Variants in EHMT1 observed in about 807,000 individuals in gnomAD.
EHMT1 encodes histone-lysine N-methyltransferase EHMT1.
A neutral mutation model predicts 147.2 loss-of-function variants in EHMT1; 15 were observed. That is an observed-to-expected ratio of 0.10 (90% CI 0.07 to 0.16). The LOEUF (loss-of-function observed/expected upper bound fraction) is 0.16, where lower values mean the gene tolerates loss of function less well. Among genes scored for constraint, EHMT1 ranks in the 10% least tolerant of loss-of-function variants. The probability of loss-of-function intolerance (pLI) is 1.00; values close to 1 mark genes in which losing one functional copy is unlikely to be tolerated. For synonymous variants in EHMT1, 795 were observed against 709.6 expected (o/e 1.12, Z -1.91); for missense variants, 1,587 against 1,772.4 (o/e 0.90, Z 1.88).
Position 137,787,842 on chromosome 9 carries a change from G to C in EHMT1, c.2383-3006G>C. 9.7e-7 allele frequency: 1 copy of C among 1,035,570 alleles called. No individual in the cohort carries two copies. Among genetic ancestry groups the C allele is most frequent in the Non-Finnish European group, 1.5e-6 (1 of 655,830 alleles). 64.1% of individuals were successfully genotyped at this position (1,035,570 alleles called of 1,614,324 possible). On this transcript the variant is annotated intron_variant, in intron 15 of 26. Coordinates refer to ENST00000460843, the MANE Select transcript of EHMT1 (RefSeq NM_024757.5). This position sits in a 1 kb window ranked among gnomAD's most constrained non-coding sequence, Gnocchi z 4.2. ...CACCCCCCAGTAGGCAGAGCTGGTT[G>C]ACGGTGGACATTGGGGATAGGAGGT...
rs554790953 is a variant in EHMT1, at chr9:137,684,701, C to T, written c.22-26266C>T. ...AGAAACAGGGTTTTACCACTTTGCC[C>T]AGGCTGCTCTCGAACTCCTGAGCTC... On this transcript the variant is annotated intron_variant, in intron 1 of 26. Transcript: ENST00000460843. Among the ~76,000 whole-genome samples, 4 of 152,182 alleles carry T rather than the reference C, an allele frequency of 2.6e-5. No individual in the cohort carries two copies. The East Asian group carries it at 7.7e-4, about 29-fold the overall frequency.
At chr9:137,623,146 G>C (rs932371500) in intron 1 of EHMT1, among the ~76,000 whole-genome samples, 3 of 150,458 alleles carry the variant, frequency 2.0e-5, no homozygotes, top group African/African-American at 7.3e-5. Flanking sequence ...CCGGGAGGTG[G>C]AGCTTGTAGT....
At chr9:137,824,409 A>G (rs1370008949) in intron 25 of EHMT1, among the ~76,000 whole-genome samples, 1 of 152,092 alleles carries the variant, frequency 6.6e-6, no homozygotes, top group Non-Finnish European at 1.5e-5. Context: ...CTCTTGACTG[A>G]TAGTAAAGCT....
intron 1 of EHMT1, among the ~76,000 whole-genome samples, chr9:137,668,619 C>T (rs1016745193): frequency 6.6e-6 from 1 of 152,150 alleles, no homozygotes; most frequent in Non-Finnish European, 1.5e-5. Flanking sequence ...TTCCCGTGTC[C>T]CCCACTCCCC....
At chr9:137,734,198 A>G (rs1025543217) in intron 4 of EHMT1, among the ~76,000 whole-genome samples, 2 of 152,230 alleles carry the variant, frequency 1.3e-5, no homozygotes, top group Non-Finnish European at 2.9e-5. Context: ...ACTTTAAAGT[A>G]ACTGTCTTAG....
At chr9:137,810,571 T>C (rs954775062) in intron 18 of EHMT1, among the ~76,000 whole-genome samples, 1 of 152,244 alleles carries the variant, frequency 6.6e-6, no homozygotes, top group Non-Finnish European at 1.5e-5. Flanking sequence ...CCTTTGCACA[T>C]ATTTTTTCAG....
intron 1 of EHMT1, among the ~76,000 whole-genome samples, chr9:137,682,889 G>A (rs1697893247): frequency 6.6e-6 from 1 of 152,220 alleles, no homozygotes; most frequent in South Asian, 2.1e-4. Flanking sequence ...GCTGCGAACA[G>A]GTGCGCTGCC....
At chr9:137,717,626 A>AGAG (rs144039928) in intron 3 of EHMT1, among the ~76,000 whole-genome samples, 3,849 of 140,178 alleles carry the variant, frequency 0.027, 325 homozygotes, top group African/African-American at 0.098. Context: ...AAAAAAAAAA[A>AGAG]GAGATGCTGC....
chr9:137,795,414 CACACACACACACACTCTCACACTCACAT>C (rs1952830819), intron 16 of EHMT1, among the ~76,000 whole-genome samples: 2 of 16,794 alleles, frequency 1.2e-4, no homozygotes, highest in African/African-American at 1.8e-4. Flanking sequence ...CACACACACA[CACACACACACACACTCTCACACTCACAT>C]ACACACACAG....
chr9:137,711,157 T>A, intron 2 of EHMT1, 127 bp downstream of exon 2: 2 of 934,146 alleles, frequency 2.1e-6, no homozygotes, highest in Non-Finnish European at 3.1e-6. Context: ...TATGGTATAG[T>A]TTCTAATCTA....
At chr9:137,802,505 A>G in intron 18 of EHMT1, 1 of 398,706 alleles carries the variant, frequency 2.5e-6, no homozygotes, top group East Asian at 3.6e-5. Context: ...GAAGATTTCT[A>G]AAAGCACACT....
intron 23 of EHMT1, chr9:137,816,917 G>A (rs540655876): frequency 1.5e-4 from 33 of 215,124 alleles, no homozygotes; most frequent in African/African-American, 6.2e-4. Context: ...TGCCAGGACC[G>A]CCCAGCCGCC....
intron 1 of EHMT1, among the ~76,000 whole-genome samples, chr9:137,705,954 T>A (rs1285704971): frequency 6.6e-6 from 1 of 151,878 alleles, no homozygotes; most frequent in Non-Finnish European, 1.5e-5. Context: ...CTCCTGGACT[T>A]CCAAATTGCG....
rs1402148017 is a variant in EHMT1, at chr9:137,782,853, A to G, written c.2382+456A>G. On this transcript the variant is annotated intron_variant, in intron 15 of 26. Transcript: ENST00000460843. This position sits in a 1 kb window ranked among gnomAD's most constrained non-coding sequence, Gnocchi z 5.7. ...CACTGGCTTGTGTTTCTGTTGGTTG[A>G]GTTGACTCTGCCACCTGCTAATTTA... 6.6e-6 allele frequency among the ~76,000 whole-genome samples: 1 copy of G among 152,076 alleles called. No homozygotes were observed. The highest frequency in any genetic ancestry group is 1.5e-5 in the Non-Finnish European group (1 of 68,024).
At chr9:137,818,233 T>C in intron 25 of EHMT1, 95 bp downstream of exon 25, 4 of 1,391,152 alleles carry the variant, frequency 2.9e-6, no homozygotes, top group Non-Finnish European at 4.1e-6. Flanking sequence ...AGAAGAGAGC[T>C]CTTACTGTTG....
At chr9:137,794,883 C>G (rs147088194) in intron 16 of EHMT1, among the ~76,000 whole-genome samples, 2 of 152,260 alleles carry the variant, frequency 1.3e-5, no homozygotes, top group East Asian at 3.9e-4. Context: ...GATAAGCTTG[C>G]TTGGAATCCT....
intron 6 of EHMT1, among the ~76,000 whole-genome samples, chr9:137,744,313 T>A (rs1948364289): frequency 6.6e-6 from 1 of 152,086 alleles, no homozygotes; most frequent in South Asian, 2.1e-4. Context: ...CTCTTTTTTT[T>A]TTCTGTGTTT....
chr9:137,803,355 G>C, intron 18 of EHMT1: 3 of 950,842 alleles, frequency 3.2e-6, no homozygotes, highest in Non-Finnish European at 2.5e-6. Flanking sequence ...ATCTTCAGGT[G>C]ATCCTCCGCG....
At chr9:137,756,877 A>G (rs1949416133) in intron 8 of EHMT1, among the ~76,000 whole-genome samples, 1 of 152,146 alleles carries the variant, frequency 6.6e-6, no homozygotes, top group Non-Finnish European at 1.5e-5. Context: ...TGATTTCTCA[A>G]AGGTGGTTGA....
Sources: gnomAD v4.1 joint callset for allele counts (sites outside exome capture counted in the v4.1 genomes callset) on GRCh38, gnomAD v4.1.1 for gene constraint, Gnocchi (gnomAD v3.1) non-coding constraint, MANE v1.5 for transcripts, NCBI Gene and HGNC (gene_info 2026-07-23, HGNC 2026-07-21) for gene names.